The following PECR variants were observed in gnomAD, a reference collection of about 807,000 sequenced individuals.
PECR encodes 2,4-dienoyl-CoA reductase-related protein.
In PECR, 30 loss-of-function variants were observed where a neutral mutation model predicts 35.3. That is an observed-to-expected ratio of 0.85 (90% CI 0.64 to 1.15). The LOEUF (loss-of-function observed/expected upper bound fraction) is 1.15, where lower values mean the gene tolerates loss of function less well. Among genes scored for constraint, PECR ranks in the 50% most tolerant of loss-of-function variants. The probability of loss-of-function intolerance (pLI) is 0.00; values close to 1 mark genes in which losing one functional copy is unlikely to be tolerated. For synonymous variants in PECR, 148 were observed against 138.9 expected, an observed-to-expected ratio of 1.07 and a Z score of -0.46; for missense variants, 392 against 370.8, an observed-to-expected ratio of 1.06 and a Z score of -0.47.
At chr2:216,065,218 A>G (rs1695438987) in intron 3 of PECR, 94 bp downstream of exon 3, 5 of 855,758 alleles carry the variant, frequency 5.8e-6, no homozygotes, top group African/African-American at 1.7e-5. Context: ...TCCAGCCAAT[A>G]AATGTTAATG....
intron 7 of PECR, among the ~76,000 whole-genome samples, chr2:216,031,005 G>GCT (rs1465324180): frequency 3.5e-5 from 5 of 141,534 alleles, no homozygotes; most frequent in African/African-American, 1.1e-4. Context: ...CTCTGTCCCT[G>GCT]CTCTCTCTCT....
chr2:216,034,507 G>T (rs1375721522), downstream of PECR, among the ~76,000 whole-genome samples: 1 of 152,184 alleles, frequency 6.6e-6, no homozygotes, highest in African/African-American at 2.4e-5. Context: ...TGCAGTCTGT[G>T]ATATTTTTTT....
chr2:216,039,380 C>G lies in PECR; in HGVS notation c.827-20G>C. On this transcript the variant is annotated intron_variant, in intron 7 of 7. Transcript: ENST00000265322. ...CATGATCTGTTAAAGAAGTGGAAAG[C>G]CTCCTGTCACTTGCAAATCTCATTT... 7.2e-7 allele frequency: 1 copy of G among 1,398,270 alleles called. No homozygotes were observed. Among genetic ancestry groups the G allele is most frequent in the Non-Finnish European group, 1.0e-6 (1 of 982,866 alleles). The allele number at this position is 1,398,270 out of a possible 1,614,324, so 86.6% of individuals were successfully genotyped here.
At chr2:216,032,380 G>T (rs897846479) in intron 7 of PECR, among the ~76,000 whole-genome samples, 4 of 152,300 alleles carry the variant, frequency 2.6e-5, no homozygotes, top group Middle Eastern at 6.8e-3. Flanking sequence ...CCCACTCAAA[G>T]CATATGAACT....
intron 1 of PECR, among the ~76,000 whole-genome samples, chr2:216,075,269 AAAAAC>A (rs1285608383): frequency 1.3e-5 from 2 of 152,202 alleles, no homozygotes; most frequent in African/African-American, 4.8e-5. Context: ...CCTGTCTCTA[AAAAAC>A]AAAACAAAAC....
At chr2:216,051,297 A>G (rs565592904) in intron 5 of PECR, 152 bp downstream of exon 5, 36 of 626,862 alleles carry the variant, frequency 5.7e-5, no homozygotes, top group East Asian at 2.6e-4. Flanking sequence ...AAAAAAAAAA[A>G]AAAAAAGAAA....
intron 4 of PECR, chr2:216,058,096 A>C (rs1216275070): frequency 1.3e-5 from 2 of 152,196 alleles, no homozygotes; most frequent in East Asian, 3.8e-4. Flanking sequence ...CCCTTTCCGC[A>C]GTGGCTCTGC....
downstream of PECR, among the ~76,000 whole-genome samples, chr2:216,036,246 A>G (rs1286807397): frequency 6.6e-6 from 1 of 152,266 alleles, no homozygotes; most frequent in Non-Finnish European, 1.5e-5. Flanking sequence ...CTGAAGGGCC[A>G]GGATGGAGTG....
chr2:216,077,806 C>CA (rs10596402), intron 1 of PECR, among the ~76,000 whole-genome samples: 5,617 of 73,100 alleles, frequency 0.077, 184 homozygotes, highest in Non-Finnish European at 0.11. Flanking sequence ...GACTCCGTCT[C>CA]AAAAAAAAAA....
chr2:216,051,961 C>A (rs548331960), intron 4 of PECR, among the ~76,000 whole-genome samples: 2 of 152,114 alleles, frequency 1.3e-5, no homozygotes, highest in African/African-American at 2.4e-5. Context: ...CCAAGGCGGG[C>A]GGATCACCTG....
chr2:216,054,748 T>C lies in PECR; in HGVS notation c.507-3203A>G, dbSNP rs572111816. Among the ~76,000 whole-genome samples, 9 of 152,336 alleles carry C rather than the reference T, an allele frequency of 5.9e-5. No individual in the cohort carries two copies. In the South Asian group the frequency reaches 1.9e-3, roughly 32 times the overall value. On this transcript the variant is annotated intron_variant, in intron 4 of 7. Coordinates refer to ENST00000265322, the MANE Select transcript of PECR (RefSeq NM_018441.6). ...CCATTACGGTGAACTTCACAAGTTA[T>C]TCCAAATTCTACAGTCATAGATGTT...
intron 4 of PECR, chr2:216,057,739 G>A (rs199614779): frequency 6.6e-6 from 1 of 152,090 alleles, no homozygotes; most frequent in Non-Finnish European, 1.5e-5. Context: ...ATGTCTGAGC[G>A]ATGATGACCA....
chr2:216,034,968 C>T (rs951233357), downstream of PECR, among the ~76,000 whole-genome samples: 12 of 152,188 alleles, frequency 7.9e-5, no homozygotes, highest in African/African-American at 1.2e-4. Flanking sequence ...CCAAGGTCAA[C>T]GGAGCTGTCA....
At position 216,046,403 on chromosome 2, in the gene PECR, C is replaced by T. The variant is rs553147198; in HGVS notation, c.715-2388G>A. Among the ~76,000 whole-genome samples, 16 of 149,392 alleles carry T rather than the reference C, an allele frequency of 1.1e-4. No homozygotes were observed. In the South Asian group the frequency reaches 2.1e-3, roughly 20 times the overall value. Reference sequence around the variant, plus strand: ...TCTGCTCACTGCAACCTCCGTGTCCCGGGTTCAAGCAATTGTCCTGCTTCA... The same window carrying T: ...TCTGCTCACTGCAACCTCCGTGTCCTGGGTTCAAGCAATTGTCCTGCTTCA... On this transcript the variant is annotated intron_variant, in intron 6 of 7. Coordinates refer to ENST00000265322, the MANE Select transcript of PECR (RefSeq NM_018441.6).
intron 7 of PECR, among the ~76,000 whole-genome samples, chr2:216,031,689 A>AG (rs1559204138): frequency 3.0e-5 from 1 of 32,942 alleles, no homozygotes; most frequent in African/African-American, 1.3e-4. Flanking sequence ...GAAAGAAAGA[A>AG]AGAGAAAGAA....
At chr2:216,052,043 G>A (rs534928607) in intron 4 of PECR, among the ~76,000 whole-genome samples, 47 of 152,196 alleles carry the variant, frequency 3.1e-4, no homozygotes, top group African/African-American at 9.9e-4. Context: ...AAAAATTACC[G>A]GGCATGGTGG....
chr2:216,081,511 C>T (rs1021973771), intron 1 of PECR, 107 bp downstream of exon 1: 7 of 1,416,008 alleles, frequency 4.9e-6, no homozygotes, highest in Middle Eastern at 2.1e-4. Flanking sequence ...CGTCTTTGCT[C>T]TGCAGCTCCA....
intron 4 of PECR, among the ~76,000 whole-genome samples, chr2:216,053,293 G>C (rs901360102): frequency 2.0e-5 from 3 of 151,874 alleles, no homozygotes; most frequent in African/African-American, 7.3e-5. Context: ...ACCCAGGCTG[G>C]AGTGCAGTGG....
intron 7 of PECR, among the ~76,000 whole-genome samples, chr2:216,043,080 T>TAC (rs1559207901): frequency 9.6e-5 from 14 of 145,978 alleles, no homozygotes; most frequent in African/African-American, 3.0e-4. Flanking sequence ...TGTATATATA[T>TAC]ACACATACAT....
Sources: allele counts gnomAD v4.1 joint callset (sites outside exome capture counted in the v4.1 genomes callset), GRCh38; gene constraint gnomAD v4.1.1; transcripts MANE v1.5; gene names NCBI Gene and HGNC (gene_info 2026-07-23, HGNC 2026-07-21).